Variants in XKR6 observed in about 807,000 individuals in gnomAD.
XKR6 encodes the protein XK-related protein 6.
In XKR6, 22 loss-of-function variants were observed where a neutral mutation model predicts 56.7. That is an observed-to-expected ratio of 0.39 (90% CI 0.28 to 0.55). XKR6 has a LOEUF of 0.55. XKR6 is among the 20% of genes least tolerant of loss of function. The pLI is 0.66. For synonymous variants in XKR6, 524 were observed against 387.8 expected (o/e 1.35, Z -4.13); for missense variants, 852 against 889.0 (o/e 0.96, Z 0.53).
rs149207183 is a variant in XKR6, at chr8:11,160,681, G to A, written c.764+39895C>T. Among the ~76,000 whole-genome samples, 223 of 152,184 alleles carry A rather than the reference G, an allele frequency of 1.5e-3. 4 individuals are homozygous for A. In the South Asian group the frequency reaches 0.018, roughly 12 times the overall value. On this transcript the variant is annotated intron_variant, in intron 1 of 2. Transcript: ENST00000416569. ...ACCCAGCACTTTGCAAGGCCAAGGCGGGTGGATCCCGAGGTCAAGAGATCG... is the reference window on the plus strand; with the variant it reads ...ACCCAGCACTTTGCAAGGCCAAGGCAGGTGGATCCCGAGGTCAAGAGATCG...
intron 1 of XKR6, among the ~76,000 whole-genome samples, chr8:11,047,618 G>T (rs1278492882): frequency 1.3e-5 from 2 of 152,200 alleles, no homozygotes; most frequent in Non-Finnish European, 2.9e-5. Flanking sequence ...CAGGGGCTGG[G>T]AAAAGGGGGC....
chr8:10,957,111 C>T (rs1801913219), intron 1 of XKR6, among the ~76,000 whole-genome samples: 1 of 152,096 alleles, frequency 6.6e-6, no homozygotes, highest in Admixed American at 6.5e-5. Context: ...CCACCATGCC[C>T]GTTTAATTTT....
At chr8:11,002,940 G>C (rs140886297) in intron 1 of XKR6, among the ~76,000 whole-genome samples, 1 of 152,108 alleles carries the variant, frequency 6.6e-6, no homozygotes, top group African/African-American at 2.4e-5. Flanking sequence ...TGTTGGATAG[G>C]AGGCCCTTGT....
At chr8:11,016,717 G>C (rs894171425) in intron 1 of XKR6, among the ~76,000 whole-genome samples, 1 of 152,180 alleles carries the variant, frequency 6.6e-6, no homozygotes, top group Admixed American at 6.5e-5. Context: ...GCCAGCACTG[G>C]GGAGCGTCCT....
At chr8:11,120,084 G>C (rs1480226214) in intron 1 of XKR6, among the ~76,000 whole-genome samples, 1 of 152,210 alleles carries the variant, frequency 6.6e-6, no homozygotes, top group Middle Eastern at 3.2e-3. Flanking sequence ...ATAACATACT[G>C]AATGGACAAA....
At chr8:10,957,382 T>G (rs1453272245) in intron 1 of XKR6, among the ~76,000 whole-genome samples, 1 of 152,128 alleles carries the variant, frequency 6.6e-6, no homozygotes, top group African/African-American at 2.4e-5. Context: ...CGTGTCACCA[T>G]TGGAACACCC....
chr8:11,134,435 G>A (rs768317711), intron 1 of XKR6, among the ~76,000 whole-genome samples: 34 of 152,106 alleles, frequency 2.2e-4, no homozygotes, highest in Non-Finnish European at 4.6e-4. Context: ...TGGACAACTT[G>A]GCATTGACTA....
At chr8:11,001,828 G>A (rs776365498) in intron 1 of XKR6, among the ~76,000 whole-genome samples, 180 of 152,322 alleles carry the variant, frequency 1.2e-3, no homozygotes, top group Non-Finnish European at 2.0e-3. Context: ...TGCCGGTCAG[G>A]GGCAAGCGGC....
chr8:11,019,733 A>G, intron 1 of XKR6, among the ~76,000 whole-genome samples: 1 of 152,246 alleles, frequency 6.6e-6, no homozygotes, highest in Non-Finnish European at 1.5e-5. Flanking sequence ...CACAGCCCTC[A>G]GAGGCAGAGG....
At chr8:11,116,695 A>T (rs986826674) in intron 1 of XKR6, among the ~76,000 whole-genome samples, 4 of 152,168 alleles carry the variant, frequency 2.6e-5, no homozygotes, top group Non-Finnish European at 4.4e-5. Flanking sequence ...CGTTGGCAAG[A>T]ACTAAAAGCA....
chr8:11,070,968 C>T (rs966613452), intron 1 of XKR6, among the ~76,000 whole-genome samples: 18 of 152,302 alleles, frequency 1.2e-4, no homozygotes, highest in Admixed American at 5.2e-4. Context: ...ATCACTGGGG[C>T]GCTATCCCAA....
At chr8:10,912,855 G>A (rs57145255) in intron 2 of XKR6, among the ~76,000 whole-genome samples, 46,537 of 147,656 alleles carry the variant, frequency 0.32, 8,037 homozygotes, top group African/African-American at 0.43. Context: ...AAGAGATAGG[G>A]TGTGTGTATA....
At chr8:11,027,183 T>C (rs528822530) in intron 1 of XKR6, among the ~76,000 whole-genome samples, 1 of 152,230 alleles carries the variant, frequency 6.6e-6, no homozygotes, top group African/African-American at 2.4e-5. Context: ...CAGTGGTAAG[T>C]ATTTGTGAAT....
At chr8:11,087,662 G>A (rs1243629169) in intron 1 of XKR6, among the ~76,000 whole-genome samples, 2 of 152,214 alleles carry the variant, frequency 1.3e-5, no homozygotes, top group East Asian at 3.8e-4. Flanking sequence ...AGAGCAAAAA[G>A]ATGGAGGGAA....
chr8:11,051,328 G>A (rs1314373218), intron 1 of XKR6, among the ~76,000 whole-genome samples: 4 of 151,696 alleles, frequency 2.6e-5, no homozygotes, highest in African/African-American at 4.8e-5. Flanking sequence ...TCTCCCCCTC[G>A]GTACTTTCCT....
At chr8:11,057,402 G>T (rs1247908527) in intron 1 of XKR6, among the ~76,000 whole-genome samples, 1 of 152,206 alleles carries the variant, frequency 6.6e-6, no homozygotes. Flanking sequence ...ACAAAGGAGA[G>T]GCTCAAAAAC....
At chr8:11,149,318 C>G (rs7008658) in intron 1 of XKR6, among the ~76,000 whole-genome samples, 8,986 of 152,134 alleles carry the variant, frequency 0.059, 595 homozygotes, top group African/African-American at 0.17. Context: ...CTGTAGGCAA[C>G]TATAACAAAA....
chr8:11,105,236 A>G (rs759855232), intron 1 of XKR6: 13 of 152,230 alleles, frequency 8.5e-5, no homozygotes, highest in Admixed American at 1.3e-4. Context: ...AAAAGAATGT[A>G]TATCTTTAGA....
chr8:10,947,990 T>C (rs1801601758), intron 1 of XKR6, among the ~76,000 whole-genome samples: 1 of 152,096 alleles, frequency 6.6e-6, no homozygotes, highest in Non-Finnish European at 1.5e-5. Context: ...CCTTTCAAAG[T>C]CGTGTAGCGA....
Sources: allele counts gnomAD v4.1 joint callset (sites outside exome capture counted in the v4.1 genomes callset), GRCh38; gene constraint gnomAD v4.1.1; transcripts MANE v1.5; gene names NCBI Gene and HGNC (gene_info 2026-07-23, HGNC 2026-07-21).